Variants in C12orf42 observed in about 807,000 individuals in gnomAD.
The protein encoded by C12orf42 is uncharacterized protein C12orf42.
Under a neutral mutation model 21.6 loss-of-function variants are expected in C12orf42, and 25 were observed. The ratio of observed to expected loss-of-function variants is 1.16; its 90% CI spans 0.84 to 1.62. C12orf42 has a LOEUF of 1.62. Among genes scored for constraint, C12orf42 ranks in the 40% most tolerant of loss-of-function variants. The probability of loss-of-function intolerance (pLI) is 0.00; values close to 1 mark genes in which losing one functional copy is unlikely to be tolerated. For synonymous variants in C12orf42, 174 were observed against 175.0 expected, an observed-to-expected ratio of 0.99 and a Z score of 0.05; for missense variants, 483 against 459.3, an observed-to-expected ratio of 1.05 and a Z score of -0.47.
At chr12:103,317,819 T>C (rs941828571) in intron 4 of C12orf42, among the ~76,000 whole-genome samples, 2 of 152,178 alleles carry the variant, frequency 1.3e-5, no homozygotes, top group African/African-American at 4.8e-5. Flanking sequence ...ATATAGGCCA[T>C]TTCACATATT....
At chr12:103,516,923 C>T in the C12orf42 span, among the ~76,000 whole-genome samples, 5 of 152,156 alleles carry the variant, frequency 3.3e-5, no homozygotes, top group African/African-American at 1.2e-4. Flanking sequence ...AACATAGGAA[C>T]AGACCATAGA....
intron 4 of C12orf42, among the ~76,000 whole-genome samples, chr12:103,309,453 T>C (rs996683993): frequency 2.0e-5 from 3 of 152,250 alleles, no homozygotes; most frequent in Non-Finnish European, 4.4e-5. Context: ...AAATATATGT[T>C]AATTGACTAT....
chr12:103,193,698 C>T, the C12orf42 span, among the ~76,000 whole-genome samples: 4 of 152,132 alleles, frequency 2.6e-5, no homozygotes, highest in South Asian at 8.3e-4. Context: ...CATCAGTAAT[C>T]GAAAACCTTC....
rs143902320 is a variant in C12orf42 at position 103,318,657 on chromosome 12, A to G, written c.260-12312T>C. ...TTCATCTGAATTGCTTACAAACTGT[A>G]TAATTGTGGGCTGAGTTTCAGTCCC... is the stretch of plus-strand genomic sequence containing the variant. On this transcript the variant is annotated intron_variant, in intron 4 of 5. Transcript: ENST00000548883. Among the ~76,000 whole-genome samples the G allele has an allele frequency of 3.3e-3, 506 of 152,278 alleles. 4 individuals carry two copies. Among genetic ancestry groups the G allele is most frequent in the African/African-American group, 0.012 (482 of 41,554 alleles).
the C12orf42 span, among the ~76,000 whole-genome samples, chr12:103,083,272 G>T: frequency 6.6e-6 from 1 of 152,256 alleles, no homozygotes; most frequent in African/African-American, 2.4e-5. Flanking sequence ...GCTGAGACAT[G>T]AGAATAGCTT....
chr12:103,184,652 A>C, the C12orf42 span, among the ~76,000 whole-genome samples: 1 of 151,706 alleles, frequency 6.6e-6, no homozygotes, highest in Non-Finnish European at 1.5e-5. Context: ...GAAGACCCCA[A>C]GTCAAAGACA....
At chr12:103,251,020 A>T (rs1462355373) in intron 10 of C12orf42, among the ~76,000 whole-genome samples, 1 of 152,082 alleles carries the variant, frequency 6.6e-6, no homozygotes, top group Non-Finnish European at 1.5e-5. Context: ...CTGGCACTTA[A>T]GTGACAATCA....
At chr12:103,353,789 G>A (rs950430816) in intron 4 of C12orf42, among the ~76,000 whole-genome samples, 5 of 152,180 alleles carry the variant, frequency 3.3e-5, no homozygotes, top group Non-Finnish European at 5.9e-5. Context: ...TGAGAATGAC[G>A]CAGAAATATT....
chr12:103,105,302 G>T, the C12orf42 span, among the ~76,000 whole-genome samples: 1 of 152,124 alleles, frequency 6.6e-6, no homozygotes, highest in Non-Finnish European at 1.5e-5. Flanking sequence ...GTCCAAAGGA[G>T]ATAATAAAAT....
intron 3 of C12orf42, among the ~76,000 whole-genome samples, chr12:103,380,271 A>G (rs1225580158): frequency 6.6e-6 from 1 of 152,230 alleles, no homozygotes; most frequent in Non-Finnish European, 1.5e-5. Context: ...TAGACCAACC[A>G]GAATTTTCAT....
chr12:103,546,710 C>T, the C12orf42 span, among the ~76,000 whole-genome samples: 1 of 152,196 alleles, frequency 6.6e-6, no homozygotes, highest in Admixed American at 6.5e-5. Flanking sequence ...GGGGTTAGGA[C>T]ATGCTGTCCC....
At chr12:103,332,642 T>C (rs1453735507) in intron 4 of C12orf42, among the ~76,000 whole-genome samples, 5 of 152,270 alleles carry the variant, frequency 3.3e-5, no homozygotes, top group Admixed American at 1.3e-4. Flanking sequence ...TGTCTGCCAA[T>C]GTATCCTCAG....
chr12:103,410,782 A>G (rs1335093551), intron 2 of C12orf42, among the ~76,000 whole-genome samples: 2 of 152,176 alleles, frequency 1.3e-5, no homozygotes, highest in Non-Finnish European at 2.9e-5. Flanking sequence ...CAGATTAACA[A>G]ATCAGATTAA....
the C12orf42 span, among the ~76,000 whole-genome samples, chr12:103,230,477 G>A: frequency 6.6e-6 from 1 of 152,262 alleles, no homozygotes; most frequent in Middle Eastern, 3.4e-3. Flanking sequence ...TCACTTAGAA[G>A]AAAGTATCAG....
intron 10 of C12orf42, among the ~76,000 whole-genome samples, chr12:103,262,075 G>A (rs1377346189): frequency 1.3e-5 from 2 of 152,076 alleles, no homozygotes; most frequent in East Asian, 1.9e-4. Context: ...AATATGTCAC[G>A]GTTTGTACCT....
intron 2 of C12orf42, among the ~76,000 whole-genome samples, chr12:103,440,864 G>A (rs1951192049): frequency 6.6e-6 from 1 of 152,062 alleles, no homozygotes; most frequent in Non-Finnish European, 1.5e-5. Flanking sequence ...TCTGACCATG[G>A]AACCTTTCTT....
At chr12:103,444,038 A>G (rs562334993) in intron 2 of C12orf42, among the ~76,000 whole-genome samples, 8 of 152,162 alleles carry the variant, frequency 5.3e-5, no homozygotes, top group Admixed American at 3.3e-4. Context: ...TTCTTTGGTT[A>G]TATATGCCAA....
At chr12:103,540,508 A>T in the C12orf42 span, among the ~76,000 whole-genome samples, 1 of 152,114 alleles carries the variant, frequency 6.6e-6, no homozygotes, top group Admixed American at 6.6e-5. Flanking sequence ...TAGAATGTTT[A>T]TATTTTTCCC....
intron 4 of C12orf42, among the ~76,000 whole-genome samples, chr12:103,341,011 G>T (rs1393370827): frequency 6.6e-6 from 1 of 151,006 alleles, no homozygotes; most frequent in Non-Finnish European, 1.5e-5. Context: ...TACTTGGGAG[G>T]CTGAGGCAGG....
Sources: gnomAD v4.1 joint callset for allele counts (sites outside exome capture counted in the v4.1 genomes callset) on GRCh38, gnomAD v4.1.1 for gene constraint, MANE v1.5 for transcripts, NCBI Gene and HGNC (gene_info 2026-07-23, HGNC 2026-07-21) for gene names.